AFAP1L2: variants seen among roughly 807,000 people sequenced by gnomAD.
AFAP1L2 encodes the protein actin filament associated protein 1 like 2, also known as actin filament-associated protein 1-like 2.
A neutral mutation model predicts 99.3 loss-of-function variants in AFAP1L2; 46 were observed. The observed-to-expected ratio is 0.46, with a 90% CI of 0.37 to 0.59. The LOEUF (loss-of-function observed/expected upper bound fraction) is 0.59, where lower values mean the gene tolerates loss of function less well. AFAP1L2 is among the 20% of genes least tolerant of loss of function. The pLI is 0.00. For missense variants in AFAP1L2, 959 were observed against 1,034.9 expected (o/e 0.93, Z 1.01); for synonymous variants, 397 against 419.1 (o/e 0.95, Z 0.64).
chr10:114,356,303 C>T (rs1036984637), intron 1 of AFAP1L2, among the ~76,000 whole-genome samples: 1 of 152,178 alleles, frequency 6.6e-6, no homozygotes, highest in Non-Finnish European at 1.5e-5. Flanking sequence ...TGAGTCGCCT[C>T]ACATCATTTC....
At chr10:114,300,090 A>G (rs965586306) in intron 15 of AFAP1L2, 104 bp downstream of exon 15, 15 of 1,491,414 alleles carry the variant, frequency 1.0e-5, no homozygotes, top group Non-Finnish European at 1.4e-5. Flanking sequence ...AATTCTCCTT[A>G]ATAAACGCCC....
the AFAP1L2 span, chr10:114,286,082 C>T: frequency 1.4e-5 from 23 of 1,614,006 alleles, no homozygotes; most frequent in South Asian, 3.3e-5. Flanking sequence ...CTCTCGGGCC[C>T]GAGTGGGTGT....
chr10:114,385,943 C>A (rs1051604069), intron 1 of AFAP1L2, among the ~76,000 whole-genome samples: 4 of 152,124 alleles, frequency 2.6e-5, no homozygotes, highest in South Asian at 4.1e-4. Context: ...CCCGCCCCCC[C>A]TCAGGAGTCC....
chr10:114,305,087 G>A (rs913875450), intron 10 of AFAP1L2, 157 bp from the exon 11 acceptor site: 6 of 621,364 alleles, frequency 9.7e-6, no homozygotes, highest in African/African-American at 3.9e-5. Context: ...TGGGCTCCAG[G>A]AGGGGACGCA....
chr10:114,291,276 C>T (rs1037934889), downstream of AFAP1L2: 1 of 1,542,696 alleles, frequency 6.5e-7, no homozygotes, highest in African/African-American at 1.4e-5. Context: ...CAGCCGTACC[C>T]CTCCCAGCAA....
chr10:114,378,526 C>G (rs1730254963), intron 1 of AFAP1L2, among the ~76,000 whole-genome samples: 1 of 152,222 alleles, frequency 6.6e-6, no homozygotes, highest in Non-Finnish European at 1.5e-5. Flanking sequence ...TCTTCTAGTA[C>G]AGTGGACTAT....
chr10:114,302,480 T>C lies in AFAP1L2; in HGVS notation c.1289A>G (p.Lys430Arg). The C allele has an allele frequency of 6.2e-7, 1 of 1,613,998 alleles. No individual in the cohort carries two copies. The highest frequency in any genetic ancestry group is 1.1e-5 in the South Asian group (1 of 91,072). ...CCAGTGGCCCATTTCCTCGGAAGAC[T>C]TGGCCTGGAACGAGGCCAAGAGAGA... The part of the protein sequence containing the change: ...KGEELAKLEA[K>R]SSEEMGHWLG... Residue 430 changes from lysine (K) to arginine (R), a missense_variant, in exon 12 of 19, where the codon AAG (lysine) becomes AGG (arginine). By Grantham distance (26) the Lys-to-Arg change is conservative. Coordinates refer to ENST00000304129, the MANE Select transcript of AFAP1L2 (RefSeq NM_001001936.3).
At position 114,364,357 on chromosome 10, in the gene AFAP1L2, C is replaced by A. The variant is rs142219045; in HGVS notation, c.17-23626G>T. On this transcript the variant is annotated intron_variant, in intron 1 of 18. Coordinates refer to ENST00000304129, the MANE Select transcript of AFAP1L2 (RefSeq NM_001001936.3). ...TCTCGCGGTTCTGGAGGCTGGAAGT[C>A]CAAAAATCACAGGTTGACAGGGTCC... 6.0e-4 allele frequency among the ~76,000 whole-genome samples: 91 copies of A among 152,260 alleles called. No individual in the cohort carries two copies. The Middle Eastern group carries it at 0.01, about 17-fold the overall frequency.
rs767931528 is a variant in AFAP1L2, at chr10:114,302,365, A to G, written c.1404T>C (p.Ile468=). 2 of 1,614,046 alleles carry G rather than the reference A, an allele frequency of 1.2e-6. No homozygotes were observed. The highest frequency in any genetic ancestry group is 1.7e-5 in the Admixed American group (1 of 60,012). ...DYVDADRVSC[I]VSAAKNSLLL... Reference sequence around the variant, plus strand: ...AGAGAGAGTTTTTGGCCGCACTCACAATACAGGAGACCCTATCGGCATCCA... The same window carrying G: ...AGAGAGAGTTTTTGGCCGCACTCACGATACAGGAGACCCTATCGGCATCCA... The change falls in exon 12 of 19, where the codon ATT becomes ATC. Residue 468 remains isoleucine, a synonymous_variant. Coordinates refer to ENST00000304129, the MANE Select transcript of AFAP1L2 (RefSeq NM_001001936.3).
At chr10:114,373,126 C>T (rs1451556506) in intron 1 of AFAP1L2, among the ~76,000 whole-genome samples, 4 of 152,070 alleles carry the variant, frequency 2.6e-5, no homozygotes, top group Non-Finnish European at 5.9e-5. Flanking sequence ...ACCTGTGGTC[C>T]CAGCTACTCA....
intron 1 of AFAP1L2, among the ~76,000 whole-genome samples, chr10:114,385,893 G>C (rs977343217): frequency 3.9e-5 from 6 of 152,154 alleles, no homozygotes; most frequent in Admixed American, 3.3e-4. Flanking sequence ...CAGGTACCTG[G>C]TGGAGGGTGC....
intron 1 of AFAP1L2, among the ~76,000 whole-genome samples, chr10:114,351,678 C>A (rs1016748728): frequency 2.0e-5 from 3 of 152,078 alleles, no homozygotes; most frequent in East Asian, 1.9e-4. Context: ...GCCTCCTGGG[C>A]CACCCCCCTG....
intron 1 of AFAP1L2, among the ~76,000 whole-genome samples, chr10:114,369,487 C>T (rs1015519962): frequency 1.3e-5 from 2 of 148,374 alleles, no homozygotes; most frequent in East Asian, 4.1e-4. Flanking sequence ...CCCAGCTACT[C>T]GGGAGGCTGA....
At position 114,331,605 on chromosome 10, in the gene AFAP1L2, C is replaced by T. The variant is rs114636550; in HGVS notation, c.315+198G>A. ...CCCCAGACCCATCACCCTCAGCATC[C>T]GGAGTACTGTGGCCCCAAGCAAATC... On this transcript the variant is annotated intron_variant, in intron 4 of 18. Transcript: ENST00000304129. 3.5e-3 allele frequency among the ~76,000 whole-genome samples: 539 copies of T among 152,278 alleles called. 3 individuals are homozygous for T. The highest frequency in any genetic ancestry group is 0.013 in the African/African-American group (521 of 41,556).
intron 4 of AFAP1L2, chr10:114,326,160 G>A: frequency 1.4e-6 from 1 of 726,198 alleles, no homozygotes; most frequent in Non-Finnish European, 1.9e-6. Context: ...GAGCCAGGCA[G>A]TGTTTTGTGA....
rs2041357016 is a variant in AFAP1L2 at position 114,302,379 on chromosome 10, T to C, written c.1390A>G (p.Arg464Gly). The C allele has an allele frequency of 6.2e-7, 1 of 1,614,154 alleles. No individual in the cohort carries two copies. Among genetic ancestry groups the C allele is most frequent in the African/African-American group, 1.3e-5 (1 of 75,042 alleles). Residue 464 changes from arginine (R) to glycine (G), a missense_variant, in exon 12 of 19, where the codon AGG becomes GGG. Coordinates refer to ENST00000304129, the MANE Select transcript of AFAP1L2 (RefSeq NM_001001936.3). ...EFTYDYVDAD[R>G]VSCIVSAAKN... ...GCCGCACTCACAATACAGGAGACCC[T>C]ATCGGCATCCACATAGTCGTAGGTG... is the stretch of plus-strand genomic sequence containing the variant.
At chr10:114,386,681 G>A (rs890047961) in intron 1 of AFAP1L2, among the ~76,000 whole-genome samples, 1 of 152,180 alleles carries the variant, frequency 6.6e-6, no homozygotes, top group Non-Finnish European at 1.5e-5. Flanking sequence ...GGAGGCCCAG[G>A]GGTTCCTTAG....
chr10:114,318,828 C>A (rs1310213646), intron 5 of AFAP1L2, among the ~76,000 whole-genome samples: 1 of 150,954 alleles, frequency 6.6e-6, no homozygotes, highest in Non-Finnish European at 1.5e-5. Flanking sequence ...ATTGTTTTTA[C>A]CCCTAAAAGG....
chr10:114,342,734 C>T (rs1227644894), intron 1 of AFAP1L2, among the ~76,000 whole-genome samples: 1 of 152,204 alleles, frequency 6.6e-6, no homozygotes, highest in Non-Finnish European at 1.5e-5. Context: ...CCCTGTGGCC[C>T]CCTCTCAGAT....
Sources: gnomAD v4.1 joint callset for allele counts (sites outside exome capture counted in the v4.1 genomes callset) on GRCh38, gnomAD v4.1.1 for gene constraint, MANE v1.5 for transcripts, NCBI Gene and HGNC (gene_info 2026-07-23, HGNC 2026-07-21) for gene names.